The following ZNF808 variants were observed in gnomAD, a reference collection of about 807,000 sequenced individuals.
ZNF808 encodes zinc finger protein 808.
In ZNF808, 5 loss-of-function variants were observed where a neutral mutation model predicts 8.7. The observed-to-expected ratio is 0.58, with a 90% CI of 0.30 to 1.21. The LOEUF (loss-of-function observed/expected upper bound fraction) is 1.21, where lower values mean the gene tolerates loss of function less well. ZNF808 is among the 50% of genes most tolerant of loss of function. The probability of loss-of-function intolerance (pLI) is 0.07; values close to 1 mark genes in which losing one functional copy is unlikely to be tolerated. For synonymous variants in ZNF808, 380 were observed against 366.0 expected (o/e 1.04, Z -0.44); for missense variants, 1,103 against 1,098.4 (o/e 1.00, Z -0.06).
chr19:52,555,574 C>G lies in ZNF808; in HGVS notation c.2658C>G (p.Asp886Glu). The change falls in exon 5 of 5, where the codon GAC becomes GAG. Residue 886 changes from aspartate to glutamate, a missense_variant. Asp to Glu is a conservative substitution (Grantham distance 45). Transcript: ENST00000359798. ...KCNECGKAFS[D>E]RSTLIHHQAI... ...ATGAGTGTGGCAAAGCCTTTAGTGA[C>G]CGGTCAACACTTATTCACCATCAGG... is the stretch of plus-strand genomic sequence containing the variant. 1 of 1,611,324 alleles carries G rather than the reference C, an allele frequency of 6.2e-7. No homozygotes were observed.
At chr19:52,534,447 A>G (rs1239290916) in intron 2 of ZNF808, among the ~76,000 whole-genome samples, 1 of 152,118 alleles carries the variant, frequency 6.6e-6, no homozygotes, top group Non-Finnish European at 1.5e-5. Context: ...GTTTGCCTCT[A>G]TTTCCCATCA....
exon 4 of ZNF808, chr19:52,563,348 A>T (rs553748686): frequency 6.6e-6 from 1 of 152,296 alleles, no homozygotes; most frequent in African/African-American, 2.4e-5. Context: ...CCTGGGAAAC[A>T]TGGTGAGACC....
At chr19:52,542,618 C>G (rs2059682488) in intron 2 of ZNF808, among the ~76,000 whole-genome samples, 2 of 151,892 alleles carry the variant, frequency 1.3e-5, no homozygotes, top group African/African-American at 4.8e-5. Context: ...TTTAGTTTGC[C>G]CAAGGTGGTC....
intron 2 of ZNF808, among the ~76,000 whole-genome samples, chr19:52,534,805 C>G (rs1282186110): frequency 6.6e-6 from 1 of 152,078 alleles, no homozygotes; most frequent in African/African-American, 2.4e-5. Flanking sequence ...AGAAGAATAG[C>G]TTCAACCCAG....
chr19:52,538,122 C>T (rs2059631045), intron 2 of ZNF808, among the ~76,000 whole-genome samples: 1 of 152,088 alleles, frequency 6.6e-6, no homozygotes, highest in Admixed American at 6.5e-5. Context: ...GCGATCCTCC[C>T]TCAGTCTCCT....
At chr19:52,567,916 AG>A (rs1250551191), downstream of ZNF808, among the ~76,000 whole-genome samples, 1 of 152,232 alleles carries the variant, frequency 6.6e-6, no homozygotes, top group Non-Finnish European at 1.5e-5. Context: ...TCTTCTTGAA[AG>A]GCAAGCAACA....
intron 3 of ZNF808, 140 bp from the exon 4 acceptor site, chr19:52,547,372 T>G: frequency 6.6e-7 from 1 of 1,504,848 alleles, no homozygotes; most frequent in Middle Eastern, 2.2e-4. Flanking sequence ...ACGGAAAAAA[T>G]AGTCAAAAAT....
chr19:52,548,801 G>C (rs903769854), intron 4 of ZNF808, among the ~76,000 whole-genome samples: 1 of 151,924 alleles, frequency 6.6e-6, no homozygotes, highest in South Asian at 2.1e-4. Flanking sequence ...TTTATCTGTC[G>C]ATGCACATCT....
chr19:52,558,991 A>G (rs1049289927), downstream of ZNF808, among the ~76,000 whole-genome samples: 2 of 152,222 alleles, frequency 1.3e-5, no homozygotes, highest in Non-Finnish European at 2.9e-5. Context: ...GAACACTGCG[A>G]AAGGCCGCAG....
intron 2 of ZNF808, among the ~76,000 whole-genome samples, chr19:52,535,559 G>T (rs1204374861): frequency 3.3e-5 from 5 of 152,066 alleles, no homozygotes; most frequent in East Asian, 1.9e-4. Flanking sequence ...ACTCCTCCCT[G>T]GCCTGAGCAC....
At chr19:52,548,131 G>A (rs1469008064) in intron 4 of ZNF808, among the ~76,000 whole-genome samples, 2 of 152,172 alleles carry the variant, frequency 1.3e-5, no homozygotes, top group Non-Finnish European at 2.9e-5. Flanking sequence ...TCTCTAAGCA[G>A]CAGTCAGTGG....
chr19:52,560,497 C>T (rs1346679582), downstream of ZNF808, among the ~76,000 whole-genome samples: 1 of 152,070 alleles, frequency 6.6e-6, no homozygotes, highest in Admixed American at 6.6e-5. Flanking sequence ...GTAGACTTTA[C>T]TCATTTTTTT....
intron 3 of ZNF808, 56 bp downstream of exon 3, chr19:52,543,403 A>G (rs1364385670): frequency 6.3e-7 from 1 of 1,593,624 alleles, no homozygotes; most frequent in South Asian, 1.1e-5. Context: ...GAAATGTAGT[A>G]GTATTATATT....
chr19:52,544,336 A>T (rs562576886), intron 3 of ZNF808, among the ~76,000 whole-genome samples: 2 of 151,996 alleles, frequency 1.3e-5, no homozygotes, highest in South Asian at 2.1e-4. Context: ...TATATTATGT[A>T]TGTATTTATT....
intron 1 of ZNF808, among the ~76,000 whole-genome samples, chr19:52,530,562 C>T (rs2059552451): frequency 1.3e-5 from 2 of 152,044 alleles, no homozygotes. Flanking sequence ...ACTCAGGAGG[C>T]TGAGGCAGGA....
chr19:52,538,351 T>TATTATTATTATTATTATTATTATC (rs1479612086), intron 2 of ZNF808, among the ~76,000 whole-genome samples: 7,438 of 135,818 alleles, frequency 0.055, no homozygotes, highest in Non-Finnish European at 0.08. Context: ...TTATTATTAT[T>TATTATTATTATTATTATTATTATC]AGTTTTTTGA....
At chr19:52,535,038 T>TA (rs1043820598) in intron 2 of ZNF808, among the ~76,000 whole-genome samples, 4,413 of 143,110 alleles carry the variant, frequency 0.031, 207 homozygotes, top group African/African-American at 0.11. Flanking sequence ...AAAAACGGGT[T>TA]AAAAAAAAAA....
Position 52,554,330 on chromosome 19 carries a change from C to T in ZNF808, c.1414C>T (p.Arg472Ter), listed in dbSNP as rs759909491. ...TAFTCNSQLA[R>*]HRRIHTGEKT... ...TTTCACGTGTAATTCACAGCTGGCA[C>T]GACATAGAAGAATTCACACTGGAGA... is the stretch of plus-strand genomic sequence containing the variant. The change falls in exon 5 of 5, where the codon CGA (arginine) becomes TGA (stop). Residue 472 changes from arginine to a stop codon, truncating the protein, a stop_gained. Transcript: ENST00000359798. LOFTEE classifies it low-confidence loss of function (END_TRUNC). The T allele has an allele frequency of 9.3e-6, 15 of 1,613,550 alleles. No individual in the cohort carries two copies. Among genetic ancestry groups the T allele is most frequent in the African/African-American group, 4.0e-5 (3 of 74,748 alleles).
chr19:52,537,092 C>CAG (rs1430730304), intron 2 of ZNF808, among the ~76,000 whole-genome samples: 1 of 151,844 alleles, frequency 6.6e-6, no homozygotes, highest in Non-Finnish European at 1.5e-5. Flanking sequence ...AGGCTGAGGC[C>CAG]AGAGAATCGC....
Sources: gnomAD v4.1 joint callset for allele counts (sites outside exome capture counted in the v4.1 genomes callset) on GRCh38, gnomAD v4.1.1 for gene constraint, MANE v1.5 for transcripts, NCBI Gene and HGNC (gene_info 2026-07-23, HGNC 2026-07-21) for gene names.